KIF18A: variants seen among roughly 807,000 people sequenced by gnomAD.
KIF18A encodes the protein kinesin family member 18A, also known as kinesin-like protein KIF18A.
A neutral mutation model predicts 103.3 loss-of-function variants in KIF18A; 67 were observed. The ratio of observed to expected loss-of-function variants is 0.65; its 90% CI spans 0.53 to 0.79. KIF18A has a LOEUF of 0.79. Ranked by LOEUF, KIF18A falls within the 30% of genes least tolerant of loss-of-function variation. The pLI is 0.00. For synonymous variants in KIF18A, 367 were observed against 355.5 expected, an observed-to-expected ratio of 1.03 and a Z score of -0.36; for missense variants, 1,032 against 1,062.5, an observed-to-expected ratio of 0.97 and a Z score of 0.40.
chr11:28,031,519 C>T (rs924106735), intron 15 of KIF18A, among the ~76,000 whole-genome samples: 11 of 151,736 alleles, frequency 7.2e-5, no homozygotes, highest in Non-Finnish European at 1.2e-4. Context: ...CATCACACAC[C>T]GGGGCCTGTT....
intron 15 of KIF18A, among the ~76,000 whole-genome samples, chr11:28,032,285 A>G (rs954816132): frequency 2.6e-5 from 4 of 151,966 alleles, no homozygotes; most frequent in African/African-American, 9.7e-5. Flanking sequence ...TAAAATGTCC[A>G]CACTACTCAC....
chr11:28,077,948 G>A (rs1481332615), intron 9 of KIF18A, among the ~76,000 whole-genome samples: 4 of 152,114 alleles, frequency 2.6e-5, no homozygotes, highest in Non-Finnish European at 5.9e-5. Context: ...GATGGAACCT[G>A]CAATCCTGTA....
At chr11:28,069,559 T>C (rs1850983114) in intron 10 of KIF18A, 136 bp from the exon 11 acceptor site, 1 of 780,828 alleles carries the variant, frequency 1.3e-6, no homozygotes, top group Non-Finnish European at 1.9e-6. Flanking sequence ...TTTAAAGCTA[T>C]TTCCCCCTTG....
chr11:28,028,253 T>A (rs1219680090), intron 15 of KIF18A, among the ~76,000 whole-genome samples: 2 of 152,014 alleles, frequency 1.3e-5, no homozygotes, highest in Non-Finnish European at 2.9e-5. Flanking sequence ...CTGCACTTAT[T>A]CCAAAATTGA....
chr11:28,069,454 A>C, intron 10 of KIF18A, 31 bp from the exon 11 acceptor site: 1 of 1,592,122 alleles, frequency 6.3e-7, no homozygotes, highest in Non-Finnish European at 8.6e-7. Context: ...CAGTAAATCT[A>C]ATTTTTATGA....
chr11:28,094,802 T>C lies in KIF18A; in HGVS notation c.326-2A>G. ...CACCAGTGGCACCATAGGCAAGTAC[T>C]GAGTTTTTAAGAAAGGGATCAAAAC... is the stretch of plus-strand genomic sequence containing the variant. On this transcript the variant is annotated splice_acceptor_variant, in intron 2 of 16. Coordinates refer to ENST00000263181, the MANE Select transcript of KIF18A (RefSeq NM_031217.4). LOFTEE classifies it high-confidence loss of function. 6.2e-7 allele frequency: 1 copy of C among 1,613,690 alleles called. No individual in the cohort carries two copies. The highest frequency in any genetic ancestry group is 8.5e-7 in the Non-Finnish European group (1 of 1,179,672).
intron 14 of KIF18A, 117 bp downstream of exon 14, chr11:28,036,100 A>T: frequency 1.6e-6 from 1 of 621,122 alleles, no homozygotes. Flanking sequence ...ATTTAATGAA[A>T]ATAAAACAGA....
intron 2 of KIF18A, among the ~76,000 whole-genome samples, chr11:28,095,002 G>T (rs181116990): frequency 6.6e-6 from 1 of 151,968 alleles, no homozygotes; most frequent in Non-Finnish European, 1.5e-5. Flanking sequence ...CTGATAAATG[G>T]TATCACTACC....
intron 12 of KIF18A, among the ~76,000 whole-genome samples, chr11:28,059,994 G>A (rs79158025): frequency 0.025 from 3,815 of 152,192 alleles, 165 homozygotes; most frequent in African/African-American, 0.087. Flanking sequence ...GGATTTTAAG[G>A]AGAAAAGTTG....
rs771983230 is a variant in KIF18A, at chr11:28,084,619, T to C, written c.1074+13A>G. On this transcript the variant is annotated intron_variant, in intron 7 of 16. Transcript: ENST00000263181. ...CAATACCTTCACAACAAAGGCAGAG[T>C]AAACAGACTTACAGAAGATTTAATG... The C allele has an allele frequency of 5.7e-6, 9 of 1,580,616 alleles. No individual in the cohort carries two copies. Among genetic ancestry groups the C allele is most frequent in the South Asian group, 1.1e-5 (1 of 88,402 alleles).
intron 13 of KIF18A, among the ~76,000 whole-genome samples, chr11:28,053,595 C>T (rs570730367): frequency 8.9e-4 from 135 of 151,968 alleles, no homozygotes; most frequent in Non-Finnish European, 1.6e-3. Flanking sequence ...TGTTGGTGTG[C>T]TGCACCCATT....
chr11:28,099,379 C>T (rs1313144951), intron 1 of KIF18A, among the ~76,000 whole-genome samples: 1 of 151,974 alleles, frequency 6.6e-6, no homozygotes, highest in Non-Finnish European at 1.5e-5. Flanking sequence ...TACAAAGTTT[C>T]AGTTATACAA....
At chr11:28,081,089 A>C (rs1851159881) in intron 9 of KIF18A, among the ~76,000 whole-genome samples, 2 of 152,170 alleles carry the variant, frequency 1.3e-5, no homozygotes, top group Non-Finnish European at 2.9e-5. Flanking sequence ...AAAATTCTGA[A>C]ACTAGCAGGT....
At chr11:28,081,486 T>C (rs746786125) in intron 9 of KIF18A, among the ~76,000 whole-genome samples, 12 of 152,098 alleles carry the variant, frequency 7.9e-5, no homozygotes, top group Non-Finnish European at 1.2e-4. Flanking sequence ...GCTCTACAAA[T>C]AGAACAACAA....
intron 3 of KIF18A, among the ~76,000 whole-genome samples, chr11:28,094,008 C>T (rs538355630): frequency 1.4e-4 from 22 of 152,270 alleles, no homozygotes; most frequent in Non-Finnish European, 2.2e-4. Flanking sequence ...GACTAATCAA[C>T]GGCTTAAGCC....
chr11:28,034,837 C>T (rs1850461879), intron 15 of KIF18A, among the ~76,000 whole-genome samples: 1 of 151,680 alleles, frequency 6.6e-6, no homozygotes, highest in South Asian at 2.1e-4. Context: ...TCAGGCTCTC[C>T]ATCCTGGCTA....
intron 13 of KIF18A, among the ~76,000 whole-genome samples, chr11:28,045,405 A>C (rs2133506702): frequency 6.6e-6 from 1 of 152,020 alleles, no homozygotes; most frequent in Non-Finnish European, 1.5e-5. Flanking sequence ...AAAAAGGAAA[A>C]AAAAAAAGAG....
At chr11:28,099,322 TGAG>T (rs1427970450) in intron 1 of KIF18A, among the ~76,000 whole-genome samples, 2 of 151,816 alleles carry the variant, frequency 1.3e-5, no homozygotes, top group Non-Finnish European at 2.9e-5. Flanking sequence ...TACCAGAGGC[TGAG>T]GAGGGTGGGG....
At chr11:28,076,736 C>T (rs1441712109) in intron 10 of KIF18A, 2 of 175,852 alleles carry the variant, frequency 1.1e-5, no homozygotes, top group African/African-American at 4.8e-5. Flanking sequence ...GAGTTCAAGA[C>T]TAGCATGGCC....
Sources: gnomAD v4.1 joint callset for allele counts (sites outside exome capture counted in the v4.1 genomes callset) on GRCh38, gnomAD v4.1.1 for gene constraint, MANE v1.5 for transcripts, NCBI Gene and HGNC (gene_info 2026-07-23, HGNC 2026-07-21) for gene names.